MDGA2: variants seen among roughly 807,000 people sequenced by gnomAD.
MDGA2 encodes the protein MAM domain-containing glycosylphosphatidylinositol anchor protein 2.
A neutral mutation model predicts 117.8 loss-of-function variants in MDGA2; 40 were observed. The observed-to-expected ratio is 0.34, with a 90% confidence interval of 0.26 to 0.44. The LOEUF (loss-of-function observed/expected upper bound fraction) is 0.44, where lower values mean the gene tolerates loss of function less well. MDGA2 is among the 20% of genes least tolerant of loss of function. The pLI, the probability that MDGA2 is intolerant of heterozygous loss-of-function variation, is 1.00. For synonymous variants in MDGA2, 452 were observed against 439.0 expected (o/e 1.03, Z -0.37); for missense variants, 1,123 against 1,250.6 (o/e 0.90, Z 1.54).
intron 1 of MDGA2, among the ~76,000 whole-genome samples, chr14:47,534,324 A>G (rs556170349): frequency 6.6e-6 from 1 of 152,330 alleles, no homozygotes; most frequent in East Asian, 1.9e-4. Flanking sequence ...CTTTAGATTC[A>G]ATAGCTTTGG....
At chr14:47,079,880 C>T (rs370070324) in intron 6 of MDGA2, among the ~76,000 whole-genome samples, 1 of 151,610 alleles carries the variant, frequency 6.6e-6, no homozygotes, top group African/African-American at 2.4e-5. Flanking sequence ...TACAGGCGCC[C>T]GCCACCACGC....
chr14:46,844,504 C>G (rs889607898), intron 16 of MDGA2, among the ~76,000 whole-genome samples: 1 of 152,052 alleles, frequency 6.6e-6, no homozygotes, highest in African/African-American at 2.4e-5. Flanking sequence ...TCACTTGAAC[C>G]CGGGAGGCGG....
intron 1 of MDGA2, among the ~76,000 whole-genome samples, chr14:47,671,319 C>T (rs1156290362): frequency 6.6e-6 from 1 of 152,098 alleles, no homozygotes; most frequent in Non-Finnish European, 1.5e-5. Context: ...TTGGGCATAA[C>T]AGGAAGAAGA....
At chr14:47,348,167 ATGTG>A (rs56850503) in intron 1 of MDGA2, among the ~76,000 whole-genome samples, 300 of 143,190 alleles carry the variant, frequency 2.1e-3, no homozygotes, top group African/African-American at 4.7e-3. Context: ...CTCTCTGTAT[ATGTG>A]TGTGTGTGTG....
At chr14:47,110,686 G>T (rs116081155) in intron 5 of MDGA2, among the ~76,000 whole-genome samples, 2,633 of 152,122 alleles carry the variant, frequency 0.017, 71 homozygotes, top group African/African-American at 0.061. Context: ...ACTCTGCTGG[G>T]CCTCTGTTTG....
chr14:47,102,594 G>T (rs1880402686), intron 5 of MDGA2, among the ~76,000 whole-genome samples: 1 of 152,058 alleles, frequency 6.6e-6, no homozygotes, highest in Admixed American at 6.6e-5. Flanking sequence ...CCAGTAAAGG[G>T]TCACTGATGA....
At chr14:47,345,701 T>C (rs4900740) in intron 1 of MDGA2, among the ~76,000 whole-genome samples, 146,698 of 152,200 alleles carry the variant, frequency 0.96, 70,951 homozygotes, top group East Asian at 1. Context: ...GAAGATGAAT[T>C]ACAATGAAGC....
chr14:47,054,543 C>T (rs966345136), intron 7 of MDGA2, among the ~76,000 whole-genome samples: 8 of 148,724 alleles, frequency 5.4e-5, no homozygotes, highest in Non-Finnish European at 7.4e-5. Context: ...TCAATTCCCA[C>T]CTATGAGTGA....
intron 3 of MDGA2, among the ~76,000 whole-genome samples, chr14:47,211,944 T>A (rs1001910712): frequency 4.6e-5 from 7 of 152,212 alleles, no homozygotes; most frequent in Admixed American, 1.3e-4. Flanking sequence ...TTTGTCTTCT[T>A]AAGTAGTTTA....
chr14:47,157,595 A>ATGTGTGTGTG (rs55697311), intron 3 of MDGA2, among the ~76,000 whole-genome samples: 125 of 144,532 alleles, frequency 8.6e-4, no homozygotes, highest in African/African-American at 2.8e-3. Flanking sequence ...ATGTACATAT[A>ATGTGTGTGTG]TGTGTGTGTG....
chr14:47,381,808 T>C (rs1440965011), intron 1 of MDGA2, among the ~76,000 whole-genome samples: 4 of 152,186 alleles, frequency 2.6e-5, no homozygotes, highest in African/African-American at 7.2e-5. Context: ...ATAGATTCAA[T>C]GCCATCCCCG....
At chr14:46,866,171 AT>A (rs1881750424) in intron 14 of MDGA2, among the ~76,000 whole-genome samples, 2 of 152,118 alleles carry the variant, frequency 1.3e-5, no homozygotes. Context: ...CCAAAACAGC[AT>A]GGTACTGGTA....
chr14:47,626,223 T>G (rs1897136811), intron 1 of MDGA2: 1 of 152,324 alleles, frequency 6.6e-6, no homozygotes, highest in African/African-American at 2.4e-5. Flanking sequence ...TTTGGTTTTT[T>G]TGTTTTGGTA....
intron 1 of MDGA2, among the ~76,000 whole-genome samples, chr14:47,388,522 T>C (rs951997769): frequency 1.5e-4 from 23 of 152,172 alleles, no homozygotes; most frequent in Admixed American, 1.3e-3. Context: ...TAGGAAGTGA[T>C]TATCAGTTCA....
At chr14:47,520,367 A>G (rs183768256) in intron 1 of MDGA2, among the ~76,000 whole-genome samples, 2 of 152,294 alleles carry the variant, frequency 1.3e-5, no homozygotes, top group Admixed American at 1.3e-4. Flanking sequence ...ACTGAAAATG[A>G]TCATCCAAAA....
In MDGA2 at chr14:46,887,602, A is replaced by G. The variant is rs10400793; in HGVS notation, c.2239-5381T>C. Among the ~76,000 whole-genome samples, 426 of 152,124 alleles carry G rather than the reference A, an allele frequency of 2.8e-3. 4 individuals carry two copies. The highest frequency in any genetic ancestry group is 9.7e-3 in the African/African-American group (405 of 41,568). On this transcript the variant is annotated intron_variant, in intron 10 of 16. Coordinates refer to ENST00000399232, the MANE Select transcript of MDGA2 (RefSeq NM_001113498.3). ...AAAACTGCATACAGTCACTGAATTT[A>G]CATACAGTGGTGAAGGATAAAAATC...
chr14:46,987,611 C>T (rs994930835), intron 8 of MDGA2, among the ~76,000 whole-genome samples: 9 of 151,988 alleles, frequency 5.9e-5, no homozygotes, highest in African/African-American at 2.2e-4. Context: ...TTTTAAGGAG[C>T]AACACTCCTG....
At chr14:47,123,561 C>A (rs149495226) in intron 5 of MDGA2, among the ~76,000 whole-genome samples, 123 of 152,110 alleles carry the variant, frequency 8.1e-4, no homozygotes, top group African/African-American at 2.7e-3. Flanking sequence ...CACAACCTTG[C>A]AAGTTTCTTC....
intron 1 of MDGA2, among the ~76,000 whole-genome samples, chr14:47,320,143 A>G (rs901022544): frequency 6.6e-6 from 1 of 152,148 alleles, no homozygotes; most frequent in South Asian, 2.1e-4. Flanking sequence ...GAGTCTCTAG[A>G]ACTGTGAGAC....
Sources: gnomAD v4.1 joint callset for allele counts (sites outside exome capture counted in the v4.1 genomes callset) on GRCh38, gnomAD v4.1.1 for gene constraint, MANE v1.5 for transcripts, NCBI Gene and HGNC (gene_info 2026-07-23, HGNC 2026-07-21) for gene names.